ATXN1: variants seen among roughly 807,000 people sequenced by gnomAD.
ATXN1 encodes the protein ataxin 1, also known as ataxin-1.
Under a neutral mutation model 56.4 loss-of-function variants are expected in ATXN1, and 8 were observed. The observed-to-expected ratio is 0.14, with a 90% CI of 0.08 to 0.26. The LOEUF is 0.26. ATXN1 is among the 10% of genes least tolerant of loss of function. The pLI is 1.00. For synonymous variants in ATXN1, 514 were observed against 494.6 expected (o/e 1.04, Z -0.52); for missense variants, 987 against 1,106.5 (o/e 0.89, Z 1.53).
intron 4 of ATXN1, among the ~76,000 whole-genome samples, chr6:16,569,617 T>C (rs1762295030): frequency 6.6e-6 from 1 of 150,442 alleles, no homozygotes; most frequent in African/African-American, 2.4e-5. Flanking sequence ...AATTACAGGG[T>C]ACTCATGGCC....
At chr6:16,687,611 T>C (rs1758944057) in intron 2 of ATXN1, among the ~76,000 whole-genome samples, 2 of 150,260 alleles carry the variant, frequency 1.3e-5, no homozygotes, top group Non-Finnish European at 2.9e-5. Context: ...ACAGTGACAC[T>C]ATGAATCAGC....
At chr6:16,665,950 T>C (rs1451759991) in intron 2 of ATXN1, among the ~76,000 whole-genome samples, 1 of 152,230 alleles carries the variant, frequency 6.6e-6, no homozygotes, top group Admixed American at 6.5e-5. Context: ...ATCAAGGTAT[T>C]TGGGATACCC....
rs1220799433 is a variant in ATXN1, at chr6:16,506,763, T to G, written c.-299+15864A>C. On this transcript the variant is annotated intron_variant, in intron 5 of 7. Coordinates refer to ENST00000436367, the MANE Select transcript of ATXN1 (RefSeq NM_001128164.2). This position sits in a 1 kb window ranked among gnomAD's most constrained non-coding sequence, Gnocchi z 4.1. ...ATTAGGAAACAAAAGCTTATAACTT[T>G]GCAGCAAGAGGGGAAAACATTTTTT... 1.3e-5 allele frequency among the ~76,000 whole-genome samples: 2 copies of G among 152,206 alleles called. No homozygotes were observed. Among genetic ancestry groups the G allele is most frequent in the African/African-American group, 4.8e-5 (2 of 41,460 alleles).
At chr6:16,630,155 C>A (rs1763480466) in intron 3 of ATXN1, among the ~76,000 whole-genome samples, 1 of 152,172 alleles carries the variant, frequency 6.6e-6, no homozygotes, top group African/African-American at 2.4e-5. Context: ...CAACTTCCTT[C>A]CAACTGTGGG....
intron 2 of ATXN1, among the ~76,000 whole-genome samples, chr6:16,678,279 G>T (rs928413026): frequency 2.9e-4 from 44 of 151,844 alleles, no homozygotes; most frequent in African/African-American, 9.2e-4. Context: ...TTTTGATTTT[G>T]AGAAAATGTA....
intron 2 of ATXN1, among the ~76,000 whole-genome samples, chr6:16,712,980 A>G (rs989817963): frequency 3.3e-5 from 5 of 152,244 alleles, no homozygotes; most frequent in African/African-American, 1.2e-4. Context: ...CAGAGATAAC[A>G]TTTCTCCTTT....
chr6:16,705,331 C>T (rs893088865), intron 2 of ATXN1, among the ~76,000 whole-genome samples: 5 of 152,172 alleles, frequency 3.3e-5, no homozygotes, highest in Non-Finnish European at 7.4e-5. Context: ...GTCACAGACC[C>T]AAACTGAATG....
intron 2 of ATXN1, among the ~76,000 whole-genome samples, chr6:16,678,216 G>A (rs190130793): frequency 6.6e-5 from 10 of 152,210 alleles, no homozygotes; most frequent in East Asian, 3.9e-4. Context: ...TAGGATTTCC[G>A]TTGACTATCT....
chr6:16,411,433 G>C (rs148540860), intron 6 of ATXN1, among the ~76,000 whole-genome samples: 265 of 152,216 alleles, frequency 1.7e-3, no homozygotes, highest in African/African-American at 6.0e-3. Context: ...CTGTTTATAG[G>C]TGGTACTCAG....
intron 6 of ATXN1, among the ~76,000 whole-genome samples, chr6:16,447,976 C>A (rs949488128): frequency 6.6e-6 from 1 of 152,184 alleles, no homozygotes; most frequent in Non-Finnish European, 1.5e-5. Context: ...CCACCCAATG[C>A]AGAGTGTGTG....
At chr6:16,602,273 C>T (rs1376714573) in intron 3 of ATXN1, among the ~76,000 whole-genome samples, 2 of 152,092 alleles carry the variant, frequency 1.3e-5, no homozygotes, top group African/African-American at 4.8e-5. Context: ...GCCCTGTCAA[C>T]TTGAACACCA....
At chr6:16,636,148 C>T (rs550768827) in intron 3 of ATXN1, among the ~76,000 whole-genome samples, 1 of 152,264 alleles carries the variant, frequency 6.6e-6, no homozygotes, top group South Asian at 2.1e-4. Flanking sequence ...CCTGTGACTT[C>T]TCTTACTCTT....
At chr6:16,505,515 T>G (rs1415372153) in intron 5 of ATXN1, among the ~76,000 whole-genome samples, 1 of 152,132 alleles carries the variant, frequency 6.6e-6, no homozygotes, top group Non-Finnish European at 1.5e-5. Context: ...GGCAGCCTAC[T>G]AAAATAGAAA....
At chr6:16,494,966 G>T (rs1247604764) in intron 5 of ATXN1, among the ~76,000 whole-genome samples, 1 of 152,166 alleles carries the variant, frequency 6.6e-6, no homozygotes, top group Non-Finnish European at 1.5e-5. Context: ...CTTTCTGGTT[G>T]CCATGAGTCA....
chr6:16,635,844 C>G (rs1184046268), intron 3 of ATXN1, among the ~76,000 whole-genome samples: 1 of 148,932 alleles, frequency 6.7e-6, no homozygotes, highest in East Asian at 2.0e-4. Flanking sequence ...CAGGCAACCC[C>G]GCACAGCAGC....
chr6:16,690,833 C>A (rs771054656), intron 2 of ATXN1, among the ~76,000 whole-genome samples: 4 of 152,132 alleles, frequency 2.6e-5, no homozygotes, highest in African/African-American at 9.7e-5. Flanking sequence ...GGGGCAGAAT[C>A]TCCCCTCCAA....
At chr6:16,323,041 A>G (rs1275283971) in intron 7 of ATXN1, among the ~76,000 whole-genome samples, 1 of 152,158 alleles carries the variant, frequency 6.6e-6, no homozygotes, top group Non-Finnish European at 1.5e-5. Context: ...CCCTGACAAC[A>G]CTTCTACCTG....
At position 16,760,861 on chromosome 6, in the gene ATXN1, T is replaced by A. The variant is rs1356696045; in HGVS notation, c.-730+437A>T. Reference sequence around the variant, plus strand: ...CCACCCGGAGGGAGGAGGACATGGCTCTCCGCACTTGCGACCGGACCAGCA... The same window carrying A: ...CCACCCGGAGGGAGGAGGACATGGCACTCCGCACTTGCGACCGGACCAGCA... On this transcript the variant is annotated intron_variant, in intron 1 of 7. Coordinates refer to ENST00000436367, the MANE Select transcript of ATXN1 (RefSeq NM_001128164.2). This position sits in a 1 kb window ranked among gnomAD's most constrained non-coding sequence, Gnocchi z 5.3. Among the ~76,000 whole-genome samples the A allele has an allele frequency of 6.8e-6, 1 of 146,552 alleles. No individual in the cohort carries two copies. The highest frequency in any genetic ancestry group is 1.5e-5 in the Non-Finnish European group (1 of 66,348).
Position 16,427,407 on chromosome 6 carries a change from G to A in ATXN1, c.-161+58565C>T, listed in dbSNP as rs1012761853. Reference sequence around the variant, plus strand: ...GCGGAGGGAGCAAAATTAGAATCACGGAGGTAAATTTTATAGAGAGTTGGC... The same window carrying A: ...GCGGAGGGAGCAAAATTAGAATCACAGAGGTAAATTTTATAGAGAGTTGGC... On this transcript the variant is annotated intron_variant, in intron 6 of 7. Coordinates refer to ENST00000436367, the MANE Select transcript of ATXN1 (RefSeq NM_001128164.2). Among the ~76,000 whole-genome samples, 8 of 152,148 alleles carry A rather than the reference G, an allele frequency of 5.3e-5. No homozygotes were observed. The East Asian group carries it at 5.8e-4, about 11-fold the overall frequency.
Sources: gnomAD v4.1 joint callset for allele counts (sites outside exome capture counted in the v4.1 genomes callset) on GRCh38, gnomAD v4.1.1 for gene constraint, Gnocchi (gnomAD v3.1) non-coding constraint, MANE v1.5 for transcripts, NCBI Gene and HGNC (gene_info 2026-07-23, HGNC 2026-07-21) for gene names.